Variants in NKAIN3 observed in about 807,000 individuals in gnomAD.
The protein encoded by NKAIN3 is sodium/potassium transporting ATPase interacting 3.
In NKAIN3, 25 loss-of-function variants were observed where a neutral mutation model predicts 30.2. That is an observed-to-expected ratio of 0.83 (90% confidence interval 0.60 to 1.16). NKAIN3 has a LOEUF of 1.16. Among genes scored for constraint, NKAIN3 ranks in the 50% most tolerant of loss-of-function variants. NKAIN3 has a pLI of 0.00. For synonymous variants in NKAIN3, 91 were observed against 89.6 expected (o/e 1.02, Z -0.09); for missense variants, 225 against 254.1 (o/e 0.89, Z 0.78).
At chr8:62,477,148 C>G (rs1806545576) in intron 1 of NKAIN3, among the ~76,000 whole-genome samples, 1 of 152,274 alleles carries the variant, frequency 6.6e-6, no homozygotes, top group African/African-American at 2.4e-5. Context: ...GTTAGCGTAT[C>G]AATCATGTGT....
chr8:62,526,466 A>C (rs965545352), intron 1 of NKAIN3, among the ~76,000 whole-genome samples: 1 of 152,110 alleles, frequency 6.6e-6, no homozygotes, highest in Admixed American at 6.6e-5. Context: ...TAGATTGCCT[A>C]TGGATATTAT....
intron 1 of NKAIN3, among the ~76,000 whole-genome samples, chr8:62,472,807 A>G (rs958648758): frequency 3.3e-5 from 5 of 152,220 alleles, no homozygotes; most frequent in African/African-American, 1.2e-4. Context: ...CATGCTTAGG[A>G]AAAGCTTAGC....
At chr8:62,683,702 C>A (rs1346481545) in intron 3 of NKAIN3, among the ~76,000 whole-genome samples, 1 of 152,252 alleles carries the variant, frequency 6.6e-6, no homozygotes, top group Admixed American at 6.5e-5. Flanking sequence ...ATCTCATAAG[C>A]ATTTCATAAC....
rs1025306150 is a variant in NKAIN3 at position 62,980,889 on chromosome 8, T to C, written c.*15482T>C. The C allele has an allele frequency of 6.6e-6, 1 of 152,198 alleles. No individual in the cohort carries two copies. The highest frequency in any genetic ancestry group is 1.5e-5 in the Non-Finnish European group (1 of 68,042). 9.4% of individuals were successfully genotyped at this position (152,198 alleles called of 1,614,324 possible). A position where few individuals can be genotyped will look rare whatever the true frequency, so the allele number is the denominator to read the frequency against. On this transcript the variant is annotated 3_prime_UTR_variant, in exon 7 of 7. Coordinates refer to ENST00000623646, the MANE Select transcript of NKAIN3 (RefSeq NM_001304533.3). The stretch of plus-strand genomic sequence containing the variant: ...TTTTAAGAATCAGTTGGTGTTAGAA[T>C]TTTTAATAACACAGAGAAAGCCATT...
At chr8:62,428,513 T>C (rs1048579209) in intron 1 of NKAIN3, among the ~76,000 whole-genome samples, 1 of 151,840 alleles carries the variant, frequency 6.6e-6, no homozygotes, top group Non-Finnish European at 1.5e-5. Context: ...GCATTTATCA[T>C]CTTTTTGACT....
At chr8:62,446,367 AT>A (rs2129598577) in intron 1 of NKAIN3, among the ~76,000 whole-genome samples, 1 of 152,248 alleles carries the variant, frequency 6.6e-6, no homozygotes, top group Non-Finnish European at 1.5e-5. Flanking sequence ...TTCAACAAAA[AT>A]AGCAATAAAT....
At chr8:62,677,633 C>T (rs1277159180) in intron 3 of NKAIN3, among the ~76,000 whole-genome samples, 3 of 152,206 alleles carry the variant, frequency 2.0e-5, no homozygotes, top group African/African-American at 7.2e-5. Flanking sequence ...TGGATGGGCT[C>T]ATTTCCTGGG....
At chr8:62,879,710 G>A (rs1305358585) in intron 4 of NKAIN3, among the ~76,000 whole-genome samples, 1 of 152,094 alleles carries the variant, frequency 6.6e-6, no homozygotes, top group African/African-American at 2.4e-5. Context: ...CCTAACAGAG[G>A]GACTGTTCCC....
chr8:62,378,969 A>G (rs2129593827), intron 1 of NKAIN3, among the ~76,000 whole-genome samples: 1 of 152,284 alleles, frequency 6.6e-6, no homozygotes, highest in South Asian at 2.1e-4. Context: ...CAGACACTCA[A>G]TGCCAGCCTG....
At chr8:62,345,115 A>G (rs185943909) in intron 1 of NKAIN3, among the ~76,000 whole-genome samples, 2 of 151,802 alleles carry the variant, frequency 1.3e-5, no homozygotes. Flanking sequence ...ATATTTTGCT[A>G]TTGGTGTATA....
chr8:62,267,013 C>G (rs901957337), intron 1 of NKAIN3, among the ~76,000 whole-genome samples: 4 of 152,210 alleles, frequency 2.6e-5, no homozygotes, highest in African/African-American at 9.6e-5. Flanking sequence ...ACTGGCTTGC[C>G]CTTGAATTAT....
intron 5 of NKAIN3, among the ~76,000 whole-genome samples, chr8:62,937,693 G>A (rs1278291690): frequency 6.6e-6 from 1 of 152,092 alleles, no homozygotes. Flanking sequence ...AGAATCTGTA[G>A]TGGGGGGGCA....
At chr8:62,887,626 G>T (rs1050463924) in intron 4 of NKAIN3, among the ~76,000 whole-genome samples, 6 of 151,886 alleles carry the variant, frequency 4.0e-5, no homozygotes, top group Non-Finnish European at 7.4e-5. Flanking sequence ...TGATATATGC[G>T]CAAGCTCAGA....
At chr8:62,442,019 T>C (rs997891437) in intron 1 of NKAIN3, among the ~76,000 whole-genome samples, 5 of 152,074 alleles carry the variant, frequency 3.3e-5, no homozygotes, top group African/African-American at 1.2e-4. Context: ...TGATGACTTG[T>C]ATTGATAGAT....
intron 5 of NKAIN3, among the ~76,000 whole-genome samples, chr8:62,942,225 CAT>C (rs200450874): frequency 1.9e-5 from 1 of 51,712 alleles, no homozygotes; most frequent in Non-Finnish European, 3.9e-5. Flanking sequence ...CATATATATA[CAT>C]ATATATACAC....
intron 1 of NKAIN3, among the ~76,000 whole-genome samples, chr8:62,375,746 A>G (rs571122029): frequency 2.0e-5 from 3 of 152,326 alleles, no homozygotes; most frequent in Admixed American, 6.5e-5. Flanking sequence ...ATCTTTAATG[A>G]TATTAAAATG....
chr8:62,372,087 GATTAGATA>G (rs1211470533), intron 1 of NKAIN3, among the ~76,000 whole-genome samples: 1 of 151,700 alleles, frequency 6.6e-6, no homozygotes, highest in Non-Finnish European at 1.5e-5. Context: ...TTTTAATACT[GATTAGATA>G]CTGTGAGATA....
In NKAIN3 at chr8:62,969,755, T is replaced by C. The variant is rs1440730998; in HGVS notation, c.*4348T>C. On this transcript the variant is annotated 3_prime_UTR_variant, in exon 7 of 7. Transcript: ENST00000623646. ...TCTAATTTAAAAGTTATCTGTAACCTTTGTTTGATAGAAGGTCTGTTGAAG... is the reference window on the plus strand; with the variant it reads ...TCTAATTTAAAAGTTATCTGTAACCCTTGTTTGATAGAAGGTCTGTTGAAG... Among the ~76,000 whole-genome samples the C allele has an allele frequency of 6.6e-6, 1 of 152,186 alleles. No homozygotes were observed. Among genetic ancestry groups the C allele is most frequent in the Admixed American group, 6.6e-5 (1 of 15,262 alleles).
intron 1 of NKAIN3, among the ~76,000 whole-genome samples, chr8:62,555,011 T>TACATACACACAC (rs1554546887): frequency 6.9e-6 from 1 of 144,934 alleles, no homozygotes; most frequent in Non-Finnish European, 1.5e-5. Flanking sequence ...GCAGAATCTA[T>TACATACACACAC]ACACACACAC....
Sources: gnomAD v4.1 joint callset for allele counts (sites outside exome capture counted in the v4.1 genomes callset) on GRCh38, gnomAD v4.1.1 for gene constraint, MANE v1.5 for transcripts, NCBI Gene and HGNC (gene_info 2026-07-23, HGNC 2026-07-21) for gene names.